The following SGCZ variants were observed in gnomAD, a reference collection of about 807,000 sequenced individuals.
The protein encoded by SGCZ is sarcoglycan zeta, also known as zeta-sarcoglycan.
A neutral mutation model predicts 41.3 loss-of-function variants in SGCZ; 40 were observed. That is an observed-to-expected ratio of 0.97 (90% CI 0.75 to 1.26). SGCZ has a LOEUF of 1.26. Ranked by LOEUF, SGCZ falls within the 50% of genes most tolerant of loss-of-function variation. The pLI, the probability that SGCZ is intolerant of heterozygous loss-of-function variation, is 0.00. For missense variants in SGCZ, 552 were observed against 369.8 expected (o/e 1.49, Z -4.04); for synonymous variants, 206 against 137.5 (o/e 1.50, Z -3.49).
chr8:14,371,605 A>G (rs1238058406), intron 2 of SGCZ, among the ~76,000 whole-genome samples: 1 of 152,098 alleles, frequency 6.6e-6, no homozygotes, highest in East Asian at 1.9e-4. Context: ...GGGGTAAAGA[A>G]AGAATTCCTC....
chr8:14,755,160 C>G (rs966299860), intron 1 of SGCZ, among the ~76,000 whole-genome samples: 1 of 151,848 alleles, frequency 6.6e-6, no homozygotes, highest in East Asian at 1.9e-4. Context: ...TGTTTTAAGT[C>G]TTGACCACTT....
intron 1 of SGCZ, among the ~76,000 whole-genome samples, chr8:15,063,831 A>G (rs933851819): frequency 1.8e-4 from 27 of 152,276 alleles, no homozygotes; most frequent in African/African-American, 6.3e-4. Context: ...AACTTACTAT[A>G]GTTTCTTCAT....
At chr8:15,202,490 G>T (rs1364990150) in intron 1 of SGCZ, among the ~76,000 whole-genome samples, 2 of 152,176 alleles carry the variant, frequency 1.3e-5, no homozygotes, top group East Asian at 1.9e-4. Flanking sequence ...GGACTTTGAG[G>T]TCTTAGGGAA....
intron 4 of SGCZ, among the ~76,000 whole-genome samples, chr8:14,178,969 G>A (rs528963206): frequency 6.6e-6 from 1 of 152,278 alleles, no homozygotes; most frequent in Admixed American, 6.5e-5. Flanking sequence ...TGTGATAGGA[G>A]GAAAGCACTG....
At chr8:15,180,620 TCA>T (rs1800143910) in intron 1 of SGCZ, among the ~76,000 whole-genome samples, 1 of 150,906 alleles carries the variant, frequency 6.6e-6, no homozygotes, top group Non-Finnish European at 1.5e-5. Flanking sequence ...GCATGGTGAC[TCA>T]CGCCTGTAAT....
chr8:15,026,770 T>A (rs1003985246), intron 1 of SGCZ, among the ~76,000 whole-genome samples: 4 of 152,156 alleles, frequency 2.6e-5, no homozygotes, highest in African/African-American at 9.7e-5. Flanking sequence ...TTCTCCATTA[T>A]ACTTAATTAT....
intron 1 of SGCZ, among the ~76,000 whole-genome samples, chr8:15,236,254 C>A (rs1802115085): frequency 6.6e-6 from 1 of 152,198 alleles, no homozygotes; most frequent in African/African-American, 2.4e-5. Context: ...CTTCCTTCCC[C>A]GTCTATGCAA....
intron 1 of SGCZ, among the ~76,000 whole-genome samples, chr8:15,014,295 C>T (rs564412212): frequency 2.1e-4 from 32 of 152,264 alleles, no homozygotes; most frequent in Middle Eastern, 3.4e-3. Context: ...ATGTGCTGGG[C>T]GTGGTGTCAG....
At chr8:15,176,473 G>A (rs1270771178) in intron 1 of SGCZ, among the ~76,000 whole-genome samples, 1 of 152,106 alleles carries the variant, frequency 6.6e-6, no homozygotes, top group Non-Finnish European at 1.5e-5. Context: ...GCATAATACT[G>A]TATGTGAATA....
At chr8:14,493,366 T>TTTTTTTTTTTTTTTTTTTTTTTTTTTTG (rs1801900935) in intron 2 of SGCZ, among the ~76,000 whole-genome samples, 1 of 107,676 alleles carries the variant, frequency 9.3e-6, no homozygotes, top group Non-Finnish European at 1.8e-5. Context: ...TTTCTTTTTT[T>TTTTTTTTTTTTTTTTTTTTTTTTTTTTG]TTTTTTTTTT....
chr8:14,342,908 G>A (rs1712786738), intron 2 of SGCZ, among the ~76,000 whole-genome samples: 1 of 152,258 alleles, frequency 6.6e-6, no homozygotes, highest in East Asian at 1.9e-4. Flanking sequence ...GGCCCAGGAG[G>A]AAAAAGTGGT....
intron 4 of SGCZ, among the ~76,000 whole-genome samples, chr8:14,224,740 G>A (rs1430789481): frequency 6.6e-6 from 1 of 152,132 alleles, no homozygotes; most frequent in African/African-American, 2.4e-5. Flanking sequence ...AGAATGGAAG[G>A]AGGCCAGCAG....
At chr8:14,188,652 C>A (rs1046155943) in intron 4 of SGCZ, among the ~76,000 whole-genome samples, 7 of 152,070 alleles carry the variant, frequency 4.6e-5, no homozygotes, top group Non-Finnish European at 1.0e-4. Context: ...ATATTAAAAA[C>A]CACTGCATTG....
intron 4 of SGCZ, among the ~76,000 whole-genome samples, chr8:14,199,354 C>G (rs1251316783): frequency 6.6e-6 from 1 of 152,166 alleles, no homozygotes; most frequent in Non-Finnish European, 1.5e-5. Flanking sequence ...TGGTTGTCTG[C>G]TCTCAAATTC....
In SGCZ at chr8:15,121,790, G is replaced by C. The variant is rs897315696; in HGVS notation, c.39+115795C>G. Among the ~76,000 whole-genome samples, 4 of 151,596 alleles carry C rather than the reference G, an allele frequency of 2.6e-5. No homozygotes were observed. In the East Asian group the frequency reaches 7.8e-4, roughly 29 times the overall value. ...AGACATCATAAAGTTCAAAAAGCAT[G>C]GTTTTGAAAACAGTGCCAATATGAA... On this transcript the variant is annotated intron_variant, in intron 1 of 7. Coordinates refer to ENST00000382080, the MANE Select transcript of SGCZ (RefSeq NM_139167.4).
intron 1 of SGCZ, among the ~76,000 whole-genome samples, chr8:14,887,362 T>G (rs1318826505): frequency 6.6e-6 from 1 of 152,196 alleles, no homozygotes; most frequent in Non-Finnish European, 1.5e-5. Context: ...ATATAAATTA[T>G]TTTCCTAAAA....
chr8:14,911,130 G>C (rs1015374298), intron 1 of SGCZ, among the ~76,000 whole-genome samples: 3 of 151,992 alleles, frequency 2.0e-5, no homozygotes, highest in Non-Finnish European at 4.4e-5. Flanking sequence ...ACACATCTCA[G>C]GTTTAGTTTT....
At chr8:14,669,693 TACACACACACACAC>T (rs35602830) in intron 1 of SGCZ, among the ~76,000 whole-genome samples, 9 of 147,556 alleles carry the variant, frequency 6.1e-5, no homozygotes, top group East Asian at 2.0e-4. Context: ...ATTTTGTGTA[TACACACACACACAC>T]ACACACACAC....
intron 1 of SGCZ, among the ~76,000 whole-genome samples, chr8:14,639,687 T>C (rs556731365): frequency 6.6e-6 from 1 of 151,864 alleles, no homozygotes; most frequent in African/African-American, 2.4e-5. Flanking sequence ...CAATCATGAA[T>C]ACTAGTCTTT....
Sources: allele counts gnomAD v4.1 joint callset (sites outside exome capture counted in the v4.1 genomes callset), GRCh38; gene constraint gnomAD v4.1.1; transcripts MANE v1.5; gene names NCBI Gene and HGNC (gene_info 2026-07-23, HGNC 2026-07-21).